Variants in GRIP1 observed in about 807,000 individuals in gnomAD.
GRIP1 encodes the protein glutamate receptor-interacting protein 1.
A neutral mutation model predicts 129.9 loss-of-function variants in GRIP1; 45 were observed. That is an observed-to-expected ratio of 0.35 (90% CI 0.27 to 0.44). The LOEUF (loss-of-function observed/expected upper bound fraction) is 0.44, where lower values mean the gene tolerates loss of function less well. Among genes scored for constraint, GRIP1 ranks in the 20% least tolerant of loss-of-function variants. The probability of loss-of-function intolerance (pLI) is 1.00; values close to 1 mark genes in which losing one functional copy is unlikely to be tolerated. For synonymous variants in GRIP1, 530 were observed against 520.8 expected (o/e 1.02, Z -0.24); for missense variants, 1,196 against 1,396.8 (o/e 0.86, Z 2.29).
At chr12:66,401,554 G>T (rs2056988965) in intron 16 of GRIP1, among the ~76,000 whole-genome samples, 1 of 145,220 alleles carries the variant, frequency 6.9e-6, no homozygotes, top group Non-Finnish European at 1.5e-5. Flanking sequence ...ACTCCAGCCT[G>T]GGCGACAAGA....
chr12:66,632,377 C>G (rs559960410), intron 1 of GRIP1, among the ~76,000 whole-genome samples: 5 of 152,254 alleles, frequency 3.3e-5, no homozygotes, highest in African/African-American at 1.2e-4. Flanking sequence ...AGCAACAACC[C>G]CTCTCTATCT....
intron 1 of GRIP1, among the ~76,000 whole-genome samples, chr12:66,762,498 A>G (rs1484030616): frequency 6.6e-6 from 1 of 152,170 alleles, no homozygotes; most frequent in Middle Eastern, 3.2e-3. Context: ...CCTTATTGTT[A>G]ATTTCAATAA....
intron 1 of GRIP1, among the ~76,000 whole-genome samples, chr12:66,892,378 T>TA (rs921607798): frequency 2.0e-5 from 3 of 152,134 alleles, no homozygotes; most frequent in African/African-American, 7.2e-5. Flanking sequence ...GAACCTTTTT[T>TA]AAAAAATGTT....
chr12:66,480,335 A>T (rs6581698), intron 7 of GRIP1, among the ~76,000 whole-genome samples: 1 of 151,884 alleles, frequency 6.6e-6, no homozygotes, highest in Non-Finnish European at 1.5e-5. Flanking sequence ...AATAAAATAC[A>T]TAGGAATACA....
chr12:66,506,530 G>A (rs2060532029), intron 7 of GRIP1, among the ~76,000 whole-genome samples: 1 of 152,118 alleles, frequency 6.6e-6, no homozygotes, highest in Admixed American at 6.6e-5. Flanking sequence ...TTACACATGG[G>A]GAAGGGATGG....
At chr12:66,631,039 G>A (rs910954227) in intron 1 of GRIP1, among the ~76,000 whole-genome samples, 1 of 151,956 alleles carries the variant, frequency 6.6e-6, no homozygotes, top group Non-Finnish European at 1.5e-5. Flanking sequence ...AGGTTCAAAC[G>A]ATTCTCCTGC....
chr12:67,037,103 G>A (rs1202036929), intron 1 of GRIP1, among the ~76,000 whole-genome samples: 2 of 151,898 alleles, frequency 1.3e-5, no homozygotes, highest in Non-Finnish European at 2.9e-5. Flanking sequence ...AGGCCAAGGT[G>A]GGTGGATCAC....
intron 5 of GRIP1, among the ~76,000 whole-genome samples, chr12:66,521,822 C>T (rs12579096): frequency 1.3e-4 from 20 of 152,230 alleles, no homozygotes; most frequent in East Asian, 1.9e-4. Flanking sequence ...GCTTTTCCAA[C>T]GGGCTTAAAA....
intron 13 of GRIP1, among the ~76,000 whole-genome samples, chr12:66,443,077 A>G (rs749355645): frequency 6.6e-6 from 1 of 152,194 alleles, no homozygotes; most frequent in Non-Finnish European, 1.5e-5. Flanking sequence ...GTAGTCTTTC[A>G]TTGTGTGAAG....
At chr12:66,954,170 C>T (rs1592387221) in intron 1 of GRIP1, among the ~76,000 whole-genome samples, 1 of 152,168 alleles carries the variant, frequency 6.6e-6, no homozygotes, top group Admixed American at 6.5e-5. Context: ...ATCTAAATCC[C>T]TTCTGTCTCA....
At chr12:66,466,366 A>G (rs982354680) in intron 7 of GRIP1, among the ~76,000 whole-genome samples, 1 of 152,218 alleles carries the variant, frequency 6.6e-6, no homozygotes, top group Non-Finnish European at 1.5e-5. Flanking sequence ...AATAATGATT[A>G]GCACATCAGA....
chr12:66,986,009 T>C (rs1352142012), intron 1 of GRIP1, among the ~76,000 whole-genome samples: 3 of 152,200 alleles, frequency 2.0e-5, no homozygotes, highest in African/African-American at 7.2e-5. Context: ...CCTTGAGATA[T>C]GCTGTTCTCC....
At chr12:66,769,832 A>C (rs2037762708) in intron 1 of GRIP1, among the ~76,000 whole-genome samples, 1 of 152,184 alleles carries the variant, frequency 6.6e-6, no homozygotes, top group Non-Finnish European at 1.5e-5. Flanking sequence ...TTAGGAAAGG[A>C]GGATGTTTCC....
At chr12:67,034,845 CA>C (rs2043072170) in intron 1 of GRIP1, among the ~76,000 whole-genome samples, 1 of 152,178 alleles carries the variant, frequency 6.6e-6, no homozygotes, top group Admixed American at 6.6e-5. Flanking sequence ...TGTCACTGAC[CA>C]AAACCTCATT....
chr12:67,068,497 C>T (rs1196377146), intron 1 of GRIP1, among the ~76,000 whole-genome samples: 2 of 151,892 alleles, frequency 1.3e-5, no homozygotes, highest in Non-Finnish European at 1.5e-5. Flanking sequence ...TAGAGACCTG[C>T]GGCAGCGCCC....
At chr12:66,946,515 T>C (rs1243118263) in intron 1 of GRIP1, among the ~76,000 whole-genome samples, 2 of 152,044 alleles carry the variant, frequency 1.3e-5, no homozygotes, top group Non-Finnish European at 2.9e-5. Flanking sequence ...CAAACAGTGG[T>C]ACCAGGAGTG....
intron 1 of GRIP1, among the ~76,000 whole-genome samples, chr12:66,899,357 C>G (rs2040806610): frequency 1.3e-5 from 2 of 151,758 alleles, no homozygotes; most frequent in Admixed American, 1.3e-4. Context: ...GTTCCTGTCC[C>G]ATGTGAAAAA....
intron 1 of GRIP1, among the ~76,000 whole-genome samples, chr12:66,661,905 G>A (rs562572729): frequency 2.0e-5 from 3 of 152,190 alleles, no homozygotes; most frequent in Non-Finnish European, 4.4e-5. Flanking sequence ...ATTTCACTGT[G>A]TACCATTTGG....
At chr12:66,816,889 G>T (rs930768256) in intron 1 of GRIP1, among the ~76,000 whole-genome samples, 1 of 151,966 alleles carries the variant, frequency 6.6e-6, no homozygotes, top group African/African-American at 2.4e-5. Flanking sequence ...GATTAAGGTT[G>T]CCCCCTTTAT....
Sources: allele counts gnomAD v4.1 joint callset (sites outside exome capture counted in the v4.1 genomes callset), GRCh38; gene constraint gnomAD v4.1.1; transcripts MANE v1.5; gene names NCBI Gene and HGNC (gene_info 2026-07-23, HGNC 2026-07-21).